CSMD1: variants seen among roughly 807,000 people sequenced by gnomAD.
CSMD1 encodes CUB and Sushi multiple domains 1, also known as CUB and sushi domain-containing protein 1.
CSMD1 carries 213 observed loss-of-function variants against 417.5 expected under a neutral mutation model. The ratio of observed to expected loss-of-function variants is 0.51; its 90% CI spans 0.46 to 0.57. The LOEUF is 0.57. Among genes scored for constraint, CSMD1 ranks in the 20% least tolerant of loss-of-function variants. CSMD1 has a pLI of 0.00. For synonymous variants in CSMD1, 2,862 were observed against 1,736.8 expected, an observed-to-expected ratio of 1.65 and a Z score of -16.11; for missense variants, 6,923 against 4,529.7, an observed-to-expected ratio of 1.53 and a Z score of -15.17.
At chr8:3,985,328 T>C (rs533621613) in intron 5 of CSMD1, among the ~76,000 whole-genome samples, 26 of 152,186 alleles carry the variant, frequency 1.7e-4, no homozygotes, top group Non-Finnish European at 3.1e-4. Flanking sequence ...CATATATGTT[T>C]TCGTTTATTA....
At chr8:4,718,290 A>G (rs1195168636) in intron 1 of CSMD1, among the ~76,000 whole-genome samples, 1 of 152,186 alleles carries the variant, frequency 6.6e-6, no homozygotes, top group East Asian at 1.9e-4. Context: ...CAAATCTATC[A>G]AAATTTTAAA....
chr8:4,107,680 C>T (rs1271527659), intron 3 of CSMD1, among the ~76,000 whole-genome samples: 1 of 152,032 alleles, frequency 6.6e-6, no homozygotes, highest in African/African-American at 2.4e-5. Context: ...CATCTGTGTC[C>T]AACATGACAG....
At chr8:4,404,839 C>A (rs549850939) in intron 3 of CSMD1, among the ~76,000 whole-genome samples, 94 of 152,224 alleles carry the variant, frequency 6.2e-4, no homozygotes, top group Non-Finnish European at 1.0e-3. Flanking sequence ...ATAACAACAA[C>A]AGGCCCTTAC....
chr8:3,344,591 C>T (rs71521844), intron 22 of CSMD1, among the ~76,000 whole-genome samples: 17,486 of 152,150 alleles, frequency 0.11, 1,384 homozygotes, highest in African/African-American at 0.22. Flanking sequence ...ATTTATTACA[C>T]GATATTGGAA....
chr8:3,182,890 G>GTGTGTGTGTGTGTGTGTGTGTGTGTGTT (rs1821479859), intron 36 of CSMD1: 1 of 143,530 alleles, frequency 7.0e-6, no homozygotes, highest in African/African-American at 2.7e-5. Context: ...GTGTGTGTGT[G>GTGTGTGTGTGTGTGTGTGTGTGTGTGTT]TGTGTGTATT....
At chr8:3,847,249 A>T (rs2954209) in intron 5 of CSMD1, among the ~76,000 whole-genome samples, 1 of 152,242 alleles carries the variant, frequency 6.6e-6, no homozygotes, top group East Asian at 1.9e-4. Flanking sequence ...TTGCAGATGT[A>T]GAAAGGTCCC....
intron 10 of CSMD1, among the ~76,000 whole-genome samples, chr8:3,547,690 A>C (rs933910417): frequency 6.6e-5 from 10 of 152,200 alleles, no homozygotes; most frequent in Admixed American, 1.3e-4. Context: ...TTTGGAGTTA[A>C]ATCTACTAAG....
At chr8:4,112,993 A>C (rs940919829) in intron 3 of CSMD1, among the ~76,000 whole-genome samples, 3 of 152,112 alleles carry the variant, frequency 2.0e-5, no homozygotes, top group Non-Finnish European at 2.9e-5. Flanking sequence ...TGTTGTTATT[A>C]TATCTGTTAT....
intron 4 of CSMD1, among the ~76,000 whole-genome samples, chr8:4,015,525 C>G (rs1200037491): frequency 6.6e-6 from 1 of 151,980 alleles, no homozygotes; most frequent in Non-Finnish European, 1.5e-5. Context: ...AACAATGGGC[C>G]TACACTATTT....
At chr8:3,319,055 A>G (rs556034274) in intron 23 of CSMD1, among the ~76,000 whole-genome samples, 1 of 152,350 alleles carries the variant, frequency 6.6e-6, no homozygotes, top group Non-Finnish European at 1.5e-5. Flanking sequence ...GAATTTGATT[A>G]TCCTCAGAAC....
intron 5 of CSMD1, among the ~76,000 whole-genome samples, chr8:3,964,104 C>T (rs1430138331): frequency 6.6e-6 from 1 of 152,090 alleles, no homozygotes; most frequent in African/African-American, 2.4e-5. Context: ...GTAAAAAGAA[C>T]CTGCTTTCAG....
intron 18 of CSMD1, among the ~76,000 whole-genome samples, chr8:3,377,192 T>C (rs1810363572): frequency 6.6e-6 from 1 of 152,068 alleles, no homozygotes; most frequent in African/African-American, 2.4e-5. Context: ...TGTTTTTTTG[T>C]GTGGAAATGG....
In CSMD1 at chr8:3,957,083, G is replaced by C. The variant is rs148644106; in HGVS notation, c.818+40820C>G. ...AGACAAAAACGCCGGGGGAGGCTCT[G>C]TATATGTCTTTGGAAACTATTTCCT... On this transcript the variant is annotated intron_variant, in intron 5 of 69. Coordinates refer to ENST00000635120, the MANE Select transcript of CSMD1 (RefSeq NM_033225.6). Among the ~76,000 whole-genome samples, 88 of 152,224 alleles carry C rather than the reference G, an allele frequency of 5.8e-4. 1 individual carries two copies. In the East Asian group the frequency reaches 0.014, roughly 24 times the overall value.
intron 3 of CSMD1, among the ~76,000 whole-genome samples, chr8:4,183,552 GAC>G (rs1416355068): frequency 1.3e-5 from 2 of 152,140 alleles, no homozygotes; most frequent in Non-Finnish European, 2.9e-5. Context: ...ATAAGTCAGA[GAC>G]AGACATTCCT....
intron 2 of CSMD1, among the ~76,000 whole-genome samples, chr8:4,527,289 G>C (rs1003919153): frequency 1.3e-5 from 2 of 152,148 alleles, no homozygotes; most frequent in Non-Finnish European, 2.9e-5. Flanking sequence ...GATCAGGAAT[G>C]AGCTGTGTAG....
rs552398849 is a variant in CSMD1, at chr8:4,444,751, T to C, written c.303-24686A>G. Among the ~76,000 whole-genome samples the C allele has an allele frequency of 2.0e-5, 3 of 152,294 alleles. No individual in the cohort carries two copies. In the South Asian group the frequency reaches 6.2e-4, roughly 32 times the overall value. On this transcript the variant is annotated intron_variant, in intron 2 of 69. Transcript: ENST00000635120. ...ATAATGAGGTAAAATGATATGAATA[T>C]GTCTACCTAATTTTCCCTGATTTGA...
chr8:4,188,842 A>AG (rs1269860378), intron 3 of CSMD1, among the ~76,000 whole-genome samples: 1 of 152,026 alleles, frequency 6.6e-6, no homozygotes, highest in Non-Finnish European at 1.5e-5. Flanking sequence ...TATTAAAAAA[A>AG]AAAACGAAAT....
intron 12 of CSMD1, among the ~76,000 whole-genome samples, chr8:3,427,300 A>T (rs571224438): frequency 6.6e-6 from 1 of 152,282 alleles, no homozygotes; most frequent in Non-Finnish European, 1.5e-5. Context: ...ACACAAATAA[A>T]ATCAGAAGTG....
intron 1 of CSMD1, among the ~76,000 whole-genome samples, chr8:4,949,897 C>T (rs2117277224): frequency 7.0e-6 from 1 of 141,948 alleles, no homozygotes; most frequent in East Asian, 2.1e-4. Flanking sequence ...ACTCCAATTA[C>T]TTTTGCACCA....
Sources: gnomAD v4.1 joint callset for allele counts (sites outside exome capture counted in the v4.1 genomes callset) on GRCh38, gnomAD v4.1.1 for gene constraint, MANE v1.5 for transcripts, NCBI Gene and HGNC (gene_info 2026-07-23, HGNC 2026-07-21) for gene names.